The following LMTK2 variants were observed in gnomAD, a reference collection of about 807,000 sequenced individuals.
The protein encoded by LMTK2 is serine/threonine-protein kinase LMTK2.
A neutral mutation model predicts 127.5 loss-of-function variants in LMTK2; 37 were observed. The observed-to-expected ratio is 0.29, with a 90% CI of 0.22 to 0.38. LMTK2 has a LOEUF of 0.38. LMTK2 is among the 10% of genes least tolerant of loss of function. The pLI, the probability that LMTK2 is intolerant of heterozygous loss-of-function variation, is 1.00. For missense variants in LMTK2, 1,694 were observed against 1,920.3 expected, an observed-to-expected ratio of 0.88 and a Z score of 2.20; for synonymous variants, 819 against 810.1, an observed-to-expected ratio of 1.01 and a Z score of -0.19.
At chr7:98,190,981 C>CTTTCACCATGA in intron 10 of LMTK2, 104 bp downstream of exon 10, 1 of 1,098,402 alleles carries the variant, frequency 9.1e-7, no homozygotes, top group South Asian at 1.5e-5. Context: ...TTCATTTCCT[C>CTTTCACCATGA]TTTCACCATG....
Position 98,184,762 on chromosome 7 carries a change from G to A in LMTK2, c.792-289G>A, listed in dbSNP as rs555289169. On this transcript the variant is annotated intron_variant, in intron 7 of 13. Transcript: ENST00000297293. ...AAAAAGAAAAGAAAAGAAAATACAA[G>A]GAAACAAGCCATACATCCGGTTTTA... Among the ~76,000 whole-genome samples, 4 of 152,208 alleles carry A rather than the reference G, an allele frequency of 2.6e-5. No homozygotes were observed. In the East Asian group the frequency reaches 7.7e-4, roughly 29 times the overall value.
At chr7:98,135,195 C>T (rs1281571847) in intron 1 of LMTK2, among the ~76,000 whole-genome samples, 1 of 152,168 alleles carries the variant, frequency 6.6e-6, no homozygotes, top group Non-Finnish European at 1.5e-5. Context: ...TTAGTTTTTC[C>T]TCTCTTCAAG....
chr7:98,111,142 G>A (rs764232429), intron 1 of LMTK2, among the ~76,000 whole-genome samples: 13 of 152,260 alleles, frequency 8.5e-5, no homozygotes, highest in Admixed American at 3.9e-4. Flanking sequence ...TAGGAAGTCC[G>A]TCTGCAGTTT....
chr7:98,158,055 C>T (rs1322254440), intron 5 of LMTK2, among the ~76,000 whole-genome samples: 1 of 152,236 alleles, frequency 6.6e-6, no homozygotes, highest in Non-Finnish European at 1.5e-5. Context: ...GCTGTCTTTG[C>T]AACTCCTGTG....
At chr7:98,185,727 CCTTT>C (rs1473257950) in intron 8 of LMTK2, among the ~76,000 whole-genome samples, 1 of 149,090 alleles carries the variant, frequency 6.7e-6, no homozygotes, top group East Asian at 2.0e-4. Flanking sequence ...ATTTTCTTTT[CCTTT>C]CTTTTTTTTT....
intron 11 of LMTK2, among the ~76,000 whole-genome samples, chr7:98,198,751 G>A (rs1797668218): frequency 6.6e-6 from 1 of 152,098 alleles, no homozygotes; most frequent in African/African-American, 2.4e-5. Flanking sequence ...GAAGTGCTGG[G>A]ATTATAGACG....
intron 6 of LMTK2, among the ~76,000 whole-genome samples, chr7:98,165,399 G>A (rs1366944979): frequency 6.6e-6 from 1 of 152,240 alleles, no homozygotes; most frequent in African/African-American, 2.4e-5. Context: ...GTCAGGGTTG[G>A]TGATGGACTT....
chr7:98,112,289 C>T (rs1383932081), intron 1 of LMTK2, among the ~76,000 whole-genome samples: 2 of 152,202 alleles, frequency 1.3e-5, no homozygotes, highest in Admixed American at 1.3e-4. Flanking sequence ...CCTCCAACTC[C>T]TGGCCTCAAG....
intron 2 of LMTK2, among the ~76,000 whole-genome samples, chr7:98,138,859 C>T (rs1413486059): frequency 6.6e-6 from 1 of 152,170 alleles, no homozygotes; most frequent in Non-Finnish European, 1.5e-5. Flanking sequence ...GTGTTGTTAC[C>T]AAGCTTCCCC....
Position 98,194,111 on chromosome 7 carries a change from G to C in LMTK2, c.3646G>C (p.Glu1216Gln), listed in dbSNP as rs200864795. 6.8e-6 allele frequency: 11 copies of C among 1,614,090 alleles called. No homozygotes were observed. The highest frequency in any genetic ancestry group is 7.6e-6 in the Non-Finnish European group (9 of 1,180,034). ...AGAACTTAGCAGCGGCGATGACTTCGAGACACAGGACGATCGCCCCTGCAC... is the reference window on the plus strand; with the variant it reads ...AGAACTTAGCAGCGGCGATGACTTCCAGACACAGGACGATCGCCCCTGCAC... ...NAELSSGDDF[E>Q]TQDDRPCTLA... The change falls in exon 11 of 14, where the codon GAG becomes CAG. Residue 1216 changes from glutamate (E) to glutamine (Q), a missense_variant. This residue lies in a region of LMTK2 where 554 missense variants were observed against 567.7 expected (regional missense o/e 0.98). Coordinates refer to ENST00000297293, the MANE Select transcript of LMTK2 (RefSeq NM_014916.4). This position sits in a 1 kb window ranked among gnomAD's most constrained non-coding sequence, Gnocchi z 5.4.
intron 6 of LMTK2, among the ~76,000 whole-genome samples, chr7:98,168,409 G>A (rs937396045): frequency 3.3e-5 from 5 of 152,360 alleles, no homozygotes; most frequent in Non-Finnish European, 5.9e-5. Flanking sequence ...TCGCGGAGGC[G>A]TGGCGGCGTC....
intron 4 of LMTK2, among the ~76,000 whole-genome samples, chr7:98,153,546 T>C (rs1215507855): frequency 6.6e-6 from 1 of 152,110 alleles, no homozygotes; most frequent in Non-Finnish European, 1.5e-5. Flanking sequence ...AGACGGTGCA[T>C]TTAGACAACC....
chr7:98,187,959 C>T (rs1797466221), intron 9 of LMTK2, among the ~76,000 whole-genome samples: 2 of 152,088 alleles, frequency 1.3e-5, no homozygotes, highest in Non-Finnish European at 2.9e-5. Flanking sequence ...ACTAGTATCC[C>T]CTTCACTCCA....
At chr7:98,129,969 G>A (rs568851220) in intron 1 of LMTK2, among the ~76,000 whole-genome samples, 4 of 152,224 alleles carry the variant, frequency 2.6e-5, no homozygotes, top group East Asian at 3.9e-4. Context: ...GCCGATGCAC[G>A]GTAATTGGGG....
chr7:98,203,864 A>G, intron 12 of LMTK2, 80 bp from the exon 13 acceptor site: 1 of 1,590,146 alleles, frequency 6.3e-7, no homozygotes, highest in Non-Finnish European at 8.6e-7. Flanking sequence ...TCCGACCTGC[A>G]GGGCGCACCT....
At chr7:98,202,631 T>C (rs1797719272) in intron 11 of LMTK2, among the ~76,000 whole-genome samples, 2 of 152,182 alleles carry the variant, frequency 1.3e-5, no homozygotes, top group African/African-American at 2.4e-5. Context: ...GTGGTTTCAG[T>C]GTCAGCTCCC....
chr7:98,155,364 A>G (rs1377695618), intron 5 of LMTK2, among the ~76,000 whole-genome samples: 2 of 152,196 alleles, frequency 1.3e-5, no homozygotes, highest in Non-Finnish European at 2.9e-5. Flanking sequence ...GAGATAGAGG[A>G]TGGGGCTGAA....
At chr7:98,183,656 C>G (rs1584286893) in intron 7 of LMTK2, among the ~76,000 whole-genome samples, 1 of 152,160 alleles carries the variant, frequency 6.6e-6, no homozygotes, top group East Asian at 1.9e-4. Flanking sequence ...TCCCAGAGTA[C>G]TGGGATTACA....
At chr7:98,134,568 G>A (rs751127913) in intron 1 of LMTK2, among the ~76,000 whole-genome samples, 42 of 151,890 alleles carry the variant, frequency 2.8e-4, no homozygotes, top group Admixed American at 1.4e-3. Flanking sequence ...TAATCCCAGC[G>A]CTTTGGGAGG....
Sources: gnomAD v4.1 joint callset for allele counts (sites outside exome capture counted in the v4.1 genomes callset) on GRCh38, gnomAD v4.1.1 for gene constraint, gnomAD v4.1.1 regional missense constraint, Gnocchi (gnomAD v3.1) non-coding constraint, MANE v1.5 for transcripts, NCBI Gene and HGNC (gene_info 2026-07-23, HGNC 2026-07-21) for gene names.